Variants in GRIP1 observed in about 807,000 individuals in gnomAD.
The protein encoded by GRIP1 is glutamate receptor interacting protein 1.
In GRIP1, 45 loss-of-function variants were observed where a neutral mutation model predicts 129.9. The observed-to-expected ratio is 0.35, with a 90% CI of 0.27 to 0.44. GRIP1 has a LOEUF of 0.44. Ranked by LOEUF, GRIP1 falls within the 20% of genes least tolerant of loss-of-function variation. The pLI, the probability that GRIP1 is intolerant of heterozygous loss-of-function variation, is 1.00. For missense variants in GRIP1, 1,196 were observed against 1,396.8 expected, an observed-to-expected ratio of 0.86 and a Z score of 2.29; for synonymous variants, 530 against 520.8, an observed-to-expected ratio of 1.02 and a Z score of -0.24.
At chr12:66,692,060 C>T (rs2035000892) in intron 1 of GRIP1, among the ~76,000 whole-genome samples, 1 of 152,134 alleles carries the variant, frequency 6.6e-6, no homozygotes, top group African/African-American at 2.4e-5. Context: ...GATTTATACC[C>T]TGCTTTTTTC....
upstream of GRIP1, among the ~76,000 whole-genome samples, chr12:66,806,665 G>T (rs768266391): frequency 3.3e-5 from 5 of 152,036 alleles, no homozygotes; most frequent in Admixed American, 6.6e-5. Context: ...TTTAATTTTG[G>T]TATTTAAAGG....
chr12:66,614,574 C>A (rs147991274), intron 1 of GRIP1, among the ~76,000 whole-genome samples: 1 of 152,116 alleles, frequency 6.6e-6, no homozygotes, highest in Admixed American at 6.6e-5. Flanking sequence ...CCATTCGAGA[C>A]AACCCCTGAA....
At chr12:66,499,526 G>C (rs2060329092) in intron 7 of GRIP1, among the ~76,000 whole-genome samples, 1 of 152,054 alleles carries the variant, frequency 6.6e-6, no homozygotes, top group South Asian at 2.1e-4. Flanking sequence ...ATACAATATG[G>C]GTAGAAATAG....
In GRIP1 at chr12:66,994,157, T is replaced by G. The variant is rs113288462; in HGVS notation, c.58+74893A>C. Among the ~76,000 whole-genome samples, 908 of 151,628 alleles carry G rather than the reference T, an allele frequency of 6.0e-3. 4 individuals carry two copies. Among genetic ancestry groups the G allele is most frequent in the Non-Finnish European group, 9.8e-3 (667 of 67,934 alleles). ...AAGGAACACAACACAACACATTTCC[T>G]GAGGCCAGTATTGCCCTGATATCAA... On this transcript the variant is annotated intron_variant, in intron 1 of 1. Coordinates refer to the GRIP1 transcript ENST00000643019.
At chr12:66,367,134 A>C (rs2137240818) in intron 23 of GRIP1, among the ~76,000 whole-genome samples, 1 of 152,360 alleles carries the variant, frequency 6.6e-6, no homozygotes, top group Non-Finnish European at 1.5e-5. Flanking sequence ...TTTAAGCTTC[A>C]GAAGGGAAAG....
intron 1 of GRIP1, among the ~76,000 whole-genome samples, chr12:66,631,495 CCTAA>C (rs1014055764): frequency 3.3e-5 from 5 of 152,272 alleles, no homozygotes; most frequent in South Asian, 2.1e-4. Context: ...ACTATCTATA[CCTAA>C]CTGTTTCATT....
At chr12:66,912,884 G>A (rs908618394) in intron 1 of GRIP1, among the ~76,000 whole-genome samples, 3 of 152,068 alleles carry the variant, frequency 2.0e-5, no homozygotes. Flanking sequence ...ACTCAGGTGT[G>A]GCTGTTACAG....
chr12:66,578,719 T>C (rs2063241783), intron 2 of GRIP1, among the ~76,000 whole-genome samples: 1 of 152,178 alleles, frequency 6.6e-6, no homozygotes, highest in Admixed American at 6.5e-5. Context: ...GCGCCCACGA[T>C]TGCCCAGGCT....
Position 66,541,799 on chromosome 12 carries a change from C to A in GRIP1, c.272+16G>T. 4 of 1,613,346 alleles carry A rather than the reference C, an allele frequency of 2.5e-6. No individual in the cohort carries two copies. Among genetic ancestry groups the A allele is most frequent in the Non-Finnish European group, 3.4e-6 (4 of 1,179,386 alleles). ...CCCTGTGTTCCTTTCAGTAGATTTC[C>A]CCAAGAGGCAGTTACCTAGCAGCAA... On this transcript the variant is annotated intron_variant, in intron 3 of 24. Coordinates refer to ENST00000359742, the MANE Select transcript of GRIP1 (RefSeq NM_001366722.1).
chr12:67,055,149 G>A (rs1251149742), intron 1 of GRIP1, among the ~76,000 whole-genome samples: 2 of 152,210 alleles, frequency 1.3e-5, no homozygotes, highest in East Asian at 3.8e-4. Flanking sequence ...GAAAACTGGA[G>A]CAGTAACTAG....
rs1477529365 is a variant in GRIP1, at chr12:66,497,406, G to C, written c.724+18213C>G. 5.9e-5 allele frequency among the ~76,000 whole-genome samples: 9 copies of C among 152,326 alleles called. No homozygotes were observed. In the South Asian group the frequency reaches 8.3e-4, roughly 14 times the overall value. ...TGGTAAAGAATGTGTGGAGGGATTGGAGAATCACTTCTTAGGCAGAGGGAA... is the reference window on the plus strand; with the variant it reads ...TGGTAAAGAATGTGTGGAGGGATTGCAGAATCACTTCTTAGGCAGAGGGAA... On this transcript the variant is annotated intron_variant, in intron 7 of 24. Transcript: ENST00000359742.
intron 1 of GRIP1, among the ~76,000 whole-genome samples, chr12:66,990,672 A>T (rs2042380880): frequency 6.6e-6 from 1 of 152,222 alleles, no homozygotes; most frequent in Non-Finnish European, 1.5e-5. Flanking sequence ...TGTAACATAC[A>T]ACAGTCTAGG....
chr12:66,519,057 C>T (rs1276376294), intron 5 of GRIP1, among the ~76,000 whole-genome samples: 1 of 152,192 alleles, frequency 6.6e-6, no homozygotes, highest in African/African-American at 2.4e-5. Flanking sequence ...AATTATTGCT[C>T]CCTTAATGTT....
At chr12:66,596,981 T>C in intron 1 of GRIP1, 54 bp from the exon 2 acceptor site, 1 of 1,190,240 alleles carries the variant, frequency 8.4e-7, no homozygotes, top group Non-Finnish European at 1.3e-6. Flanking sequence ...TCTAATGCAG[T>C]GAAGATTTTT....
intron 4 of GRIP1, among the ~76,000 whole-genome samples, chr12:66,537,925 G>A (rs557181479): frequency 2.7e-4 from 41 of 152,312 alleles, no homozygotes; most frequent in Middle Eastern, 3.4e-3. Flanking sequence ...CTTCCTCTGC[G>A]TTATGATTAT....
At chr12:66,863,908 T>C (rs572546236) in intron 1 of GRIP1, among the ~76,000 whole-genome samples, 2 of 152,298 alleles carry the variant, frequency 1.3e-5, no homozygotes, top group South Asian at 4.1e-4. Flanking sequence ...CACTGAATTG[T>C]ACTGAGAGCC....
intron 1 of GRIP1, among the ~76,000 whole-genome samples, chr12:66,746,502 T>C (rs201970897): frequency 1.3e-5 from 2 of 152,232 alleles, no homozygotes; most frequent in East Asian, 3.9e-4. Context: ...TTTTATAGAA[T>C]TGGGGAAATT....
intron 1 of GRIP1, among the ~76,000 whole-genome samples, chr12:66,872,955 T>G (rs2040321018): frequency 6.6e-6 from 1 of 152,006 alleles, no homozygotes; most frequent in Non-Finnish European, 1.5e-5. Context: ...AATTGAAGAG[T>G]GACTTATGGC....
At chr12:66,752,235 GGAAT>G (rs1566003180) in intron 1 of GRIP1, among the ~76,000 whole-genome samples, 2 of 152,092 alleles carry the variant, frequency 1.3e-5, no homozygotes, top group Non-Finnish European at 2.9e-5. Flanking sequence ...ATCATAGCTT[GGAAT>G]GAATGAAGTG....
Sources: gnomAD v4.1 joint callset for allele counts (sites outside exome capture counted in the v4.1 genomes callset) on GRCh38, gnomAD v4.1.1 for gene constraint, MANE v1.5 for transcripts, NCBI Gene and HGNC (gene_info 2026-07-23, HGNC 2026-07-21) for gene names.